CEACAM21: variants seen among roughly 807,000 people sequenced by gnomAD.
CEACAM21 encodes CEA cell adhesion molecule 21, also known as cell adhesion molecule CEACAM21.
Under a neutral mutation model 33.2 loss-of-function variants are expected in CEACAM21, and 38 were observed. The observed-to-expected ratio is 1.14, with a 90% CI of 0.88 to 1.50. CEACAM21 has a LOEUF of 1.50. CEACAM21 is among the 40% of genes most tolerant of loss of function. The pLI is 0.00. For missense variants in CEACAM21, 385 were observed against 364.6 expected (o/e 1.06, Z -0.46); for synonymous variants, 156 against 143.0 (o/e 1.09, Z -0.65).
At chr19:41,560,111 C>A (rs1462499153) in intron 1 of CEACAM21, among the ~76,000 whole-genome samples, 5 of 152,214 alleles carry the variant, frequency 3.3e-5, no homozygotes, top group Admixed American at 3.3e-4. Flanking sequence ...GATTATTTTA[C>A]AGAGTTCTCC....
chr19:41,556,573 G>A (rs781984623), intron 1 of CEACAM21, among the ~76,000 whole-genome samples: 1 of 152,156 alleles, frequency 6.6e-6, no homozygotes, highest in East Asian at 1.9e-4. Flanking sequence ...AAAGAATTGC[G>A]ATTTCCACTC....
In CEACAM21 at chr19:41,577,271, G is replaced by A. The variant is rs1785516770; in HGVS notation, c.136G>A (p.Ala46Thr). Residue 46 changes from alanine (A) to threonine (T), a missense_variant, in exon 2 of 7, where the codon GCT becomes ACT. Ala to Thr is a moderately conservative substitution (Grantham distance 58, BLOSUM62 0). Coordinates refer to ENST00000401445, the MANE Select transcript of CEACAM21 (RefSeq NM_001098506.4). Reference protein sequence around the residue: ...LFIASAPFEVAEGENVHLSVV... With the variant: ...LFIASAPFEVTEGENVHLSVV... Reference sequence around the variant, plus strand: ...TATTGCATCAGCGCCCTTTGAAGTTGCTGAAGGGGAGAATGTTCATCTCTC... The same window carrying A: ...TATTGCATCAGCGCCCTTTGAAGTTACTGAAGGGGAGAATGTTCATCTCTC... The A allele has an allele frequency of 6.2e-7, 1 of 1,614,128 alleles. No homozygotes were observed. The highest frequency in any genetic ancestry group is 8.5e-7 in the Non-Finnish European group (1 of 1,180,018).
At chr19:41,563,647 C>A (rs1217879732) in intron 1 of CEACAM21, among the ~76,000 whole-genome samples, 1 of 152,236 alleles carries the variant, frequency 6.6e-6, no homozygotes. Context: ...TGAACAGATC[C>A]CATCCAGGGA....
Sources: gnomAD v4.1 joint callset for allele counts (sites outside exome capture counted in the v4.1 genomes callset) on GRCh38, gnomAD v4.1.1 for gene constraint, MANE v1.5 for transcripts, NCBI Gene and HGNC (gene_info 2026-07-23, HGNC 2026-07-21) for gene names.